The following ARHGEF3 variants were observed in gnomAD, a reference collection of about 807,000 sequenced individuals.
ARHGEF3 encodes 59.8 kDA protein.
A neutral mutation model predicts 63.2 loss-of-function variants in ARHGEF3; 28 were observed. The observed-to-expected ratio is 0.44, with a 90% CI of 0.33 to 0.61. ARHGEF3 has a LOEUF of 0.61. Among genes scored for constraint, ARHGEF3 ranks in the 20% least tolerant of loss-of-function variants. The pLI, the probability that ARHGEF3 is intolerant of heterozygous loss-of-function variation, is 0.03. For missense variants in ARHGEF3, 533 were observed against 659.3 expected, an observed-to-expected ratio of 0.81 and a Z score of 2.10; for synonymous variants, 266 against 254.2, an observed-to-expected ratio of 1.05 and a Z score of -0.44.
intron 3 of ARHGEF3, among the ~76,000 whole-genome samples, chr3:56,928,613 T>C (rs2042335910): frequency 6.6e-6 from 1 of 152,188 alleles, no homozygotes; most frequent in Non-Finnish European, 1.5e-5. Flanking sequence ...AGGGCTCCAC[T>C]TGAGCCCTGT....
intron 1 of ARHGEF3, among the ~76,000 whole-genome samples, chr3:56,794,795 ATTGT>A (rs1471998393): frequency 6.6e-6 from 1 of 151,938 alleles, no homozygotes; most frequent in Admixed American, 6.6e-5. Context: ...GTTATCCTGT[ATTGT>A]TTTTTATTTG....
chr3:56,944,767 C>T (rs565215875), intron 3 of ARHGEF3, among the ~76,000 whole-genome samples: 21 of 151,732 alleles, frequency 1.4e-4, no homozygotes, highest in Admixed American at 3.3e-4. Flanking sequence ...TTAATAGAGA[C>T]GGGGTTTCAC....
chr3:57,058,140 T>C (rs550335185), intron 1 of ARHGEF3, among the ~76,000 whole-genome samples: 1 of 152,324 alleles, frequency 6.6e-6, no homozygotes, highest in Non-Finnish European at 1.5e-5. Context: ...TTAAAAGTCC[T>C]GAAAGAACAA....
chr3:56,800,840 G>A (rs1163759003), intron 1 of ARHGEF3, among the ~76,000 whole-genome samples: 1 of 152,214 alleles, frequency 6.6e-6, no homozygotes, highest in African/African-American at 2.4e-5. Context: ...CCACAGCAAA[G>A]CTGTAATCTA....
intron 3 of ARHGEF3, among the ~76,000 whole-genome samples, chr3:56,906,815 C>T (rs530857507): frequency 6.8e-6 from 1 of 146,528 alleles, no homozygotes; most frequent in Non-Finnish European, 1.5e-5. Context: ...CCAGCCTGGG[C>T]GACAGAGCGA....
chr3:56,921,386 A>AAAAAC (rs1299486330), intron 3 of ARHGEF3, among the ~76,000 whole-genome samples: 1 of 152,232 alleles, frequency 6.6e-6, no homozygotes, highest in African/African-American at 2.4e-5. Flanking sequence ...AAGACTAAGG[A>AAAAAC]AAAACAAAAA....
At chr3:57,049,948 G>A (rs748622676) in intron 1 of ARHGEF3, among the ~76,000 whole-genome samples, 95 of 152,202 alleles carry the variant, frequency 6.2e-4, no homozygotes, top group Non-Finnish European at 1.2e-3. Flanking sequence ...AACAACTGCA[G>A]GGGCTGGGAT....
chr3:56,764,341 C>T (rs2035582664), intron 2 of ARHGEF3, among the ~76,000 whole-genome samples: 1 of 152,122 alleles, frequency 6.6e-6, no homozygotes, highest in South Asian at 2.1e-4. Flanking sequence ...CAAGATATTC[C>T]ACAAGCTGAA....
intron 1 of ARHGEF3, among the ~76,000 whole-genome samples, chr3:57,060,284 G>C (rs1579190593): frequency 6.9e-6 from 1 of 143,888 alleles, no homozygotes; most frequent in Admixed American, 7.1e-5. Flanking sequence ...CTGGGCGACA[G>C]AGCTGAGATT....
At chr3:56,954,925 C>T (rs144913320) in intron 3 of ARHGEF3, among the ~76,000 whole-genome samples, 80 of 152,230 alleles carry the variant, frequency 5.3e-4, no homozygotes, top group Non-Finnish European at 1.9e-4. Flanking sequence ...AAAACAAAGA[C>T]GGGGGTGCAA....
rs1702642829 is a variant in ARHGEF3, at chr3:57,010,356, T to G, written c.62+24732A>C. 2.0e-5 allele frequency among the ~76,000 whole-genome samples: 3 copies of G among 149,486 alleles called. No individual in the cohort carries two copies. In the Admixed American group the frequency reaches 2.0e-4, roughly 10 times the overall value. On this transcript the variant is annotated intron_variant, in intron 2 of 12. Transcript: ENST00000338458. ...CTGTAGTCCCAGCTACTTGGGAGGC[T>G]GAGGCAGGAGAATGGCGTGAACCCA...
At chr3:57,036,986 TAGAC>T (rs1430756626) in intron 1 of ARHGEF3, among the ~76,000 whole-genome samples, 2 of 152,240 alleles carry the variant, frequency 1.3e-5, no homozygotes, top group Non-Finnish European at 2.9e-5. Flanking sequence ...CCCAAGGCGT[TAGAC>T]AGTCAGTTTA....
At chr3:57,019,164 C>G (rs1703142144) in intron 2 of ARHGEF3, among the ~76,000 whole-genome samples, 1 of 152,176 alleles carries the variant, frequency 6.6e-6, no homozygotes, top group Non-Finnish European at 1.5e-5. Context: ...AATCACTTAT[C>G]TCTCTAGACC....
At chr3:56,847,193 T>C (rs1186078103) in intron 4 of ARHGEF3, among the ~76,000 whole-genome samples, 2 of 152,166 alleles carry the variant, frequency 1.3e-5, no homozygotes, top group African/African-American at 2.4e-5. Context: ...GATAGAAAGA[T>C]TCACAAGAAG....
At chr3:56,906,824 G>A (rs978030883) in intron 3 of ARHGEF3, among the ~76,000 whole-genome samples, 22 of 149,800 alleles carry the variant, frequency 1.5e-4, no homozygotes, top group African/African-American at 5.2e-4. Context: ...GCGACAGAGC[G>A]AGACTCTGTC....
rs183200406 is a variant in ARHGEF3, at chr3:56,985,499, G to C, written c.63-26610C>G. Among the ~76,000 whole-genome samples, 51 of 152,344 alleles carry C rather than the reference G, an allele frequency of 3.3e-4. No homozygotes were observed. In the Middle Eastern group the frequency reaches 0.031, roughly 91 times the overall value. On this transcript the variant is annotated intron_variant, in intron 2 of 12. Coordinates refer to the ARHGEF3 transcript ENST00000338458. ...AATAGCATTGCACTCGCTACAGGGC[G>C]ACAATGTGACATATTCATTCGCCGC...
intron 1 of ARHGEF3, among the ~76,000 whole-genome samples, chr3:56,794,593 C>T (rs551810668): frequency 1.9e-4 from 29 of 151,762 alleles, no homozygotes; most frequent in Admixed American, 6.6e-4. Flanking sequence ...TGAACACAGA[C>T]GGAGTACAGT....
intron 4 of ARHGEF3, among the ~76,000 whole-genome samples, chr3:56,809,963 C>A (rs1337304716): frequency 6.6e-6 from 1 of 152,038 alleles, no homozygotes; most frequent in Non-Finnish European, 1.5e-5. Flanking sequence ...GAACTCCTGG[C>A]CTCATGTCAT....
chr3:56,775,762 C>A, intron 1 of ARHGEF3: 11 of 748,048 alleles, frequency 1.5e-5, no homozygotes, highest in Non-Finnish European at 1.8e-5. Flanking sequence ...AGAGCTGCAC[C>A]ACTAGCGTAC....
Sources: gnomAD v4.1 joint callset for allele counts (sites outside exome capture counted in the v4.1 genomes callset) on GRCh38, gnomAD v4.1.1 for gene constraint, MANE v1.5 for transcripts, NCBI Gene and HGNC (gene_info 2026-07-23, HGNC 2026-07-21) for gene names.